Variants in DGKQ observed in about 807,000 individuals in gnomAD.
DGKQ encodes the protein diacylglycerol kinase theta.
DGKQ carries 97 observed loss-of-function variants against 104.2 expected under a neutral mutation model. That is an observed-to-expected ratio of 0.93 (90% confidence interval 0.79 to 1.10). DGKQ has a LOEUF of 1.10. Among genes scored for constraint, DGKQ ranks in the 50% least tolerant of loss-of-function variants. The pLI is 0.00. For synonymous variants in DGKQ, 736 were observed against 595.2 expected (o/e 1.24, Z -3.44); for missense variants, 1,465 against 1,352.1 (o/e 1.08, Z -1.31).
In DGKQ at chr4:960,634, T is replaced by TC. The variant is rs1560509613; in HGVS notation, c.2814dup (p.Ser939GlufsTer4). On this transcript the variant is annotated frameshift_variant, in exon 23 of 23. Transcript: ENST00000273814. LOFTEE classifies it high-confidence loss of function. ...CCCAGCCACCCCTACCTAGGATCGC[T>TC]CTCAGGGGCAGGCGCAGCATCCGCC... 6.2e-7 allele frequency: 1 copy of TC among 1,611,814 alleles called. No individual in the cohort carries two copies. Among genetic ancestry groups the TC allele is most frequent in the Non-Finnish European group, 8.5e-7 (1 of 1,179,714 alleles).
rs1380526612 is a variant in DGKQ, at chr4:962,443, G to A, written c.2206C>T (p.Pro736Ser). The change falls in exon 18 of 23, where the codon CCC becomes TCC. Residue 736 changes from proline (P) to serine (S), a missense_variant. Pro to Ser is a moderately conservative substitution (Grantham distance 74, BLOSUM62 -1). Coordinates refer to ENST00000273814, the MANE Select transcript of DGKQ (RefSeq NM_001347.4). The part of the protein sequence containing the change: ...SAENDTADAE[P>S]PKIVQMSNYC... ...GCCGGGCTGCCCTGTACCTTGGGGGGCTCTGCGTCTGCCGTGTCGTTCTCT... is the reference window on the plus strand; with the variant it reads ...GCCGGGCTGCCCTGTACCTTGGGGGACTCTGCGTCTGCCGTGTCGTTCTCT... 4.4e-6 allele frequency: 7 copies of A among 1,575,696 alleles called. No homozygotes were observed. In the Admixed American group the frequency reaches 7.1e-5, roughly 16 times the overall value.
At chr4:966,646 C>G (rs1054876320) in intron 11 of DGKQ, 102 bp downstream of exon 11, 1 of 1,507,726 alleles carries the variant, frequency 6.6e-7, no homozygotes, top group African/African-American at 1.4e-5. Context: ...AGGGCAGAGC[C>G]CGGCCTTGAT....
chr4:967,819 C>T lies in DGKQ; in HGVS notation c.812-17G>A, dbSNP rs1200751389. On this transcript the variant is annotated splice_polypyrimidine_tract_variant and intron_variant, in intron 6 of 22. Coordinates refer to ENST00000273814, the MANE Select transcript of DGKQ (RefSeq NM_001347.4). ...CCCCCTCGCCTGCGGGTCGGGCACACGGACCCCTCATTCAGTGCGCAGCCC... is the reference window on the plus strand; with the variant it reads ...CCCCCTCGCCTGCGGGTCGGGCACATGGACCCCTCATTCAGTGCGCAGCCC... The T allele has an allele frequency of 4.4e-6, 7 of 1,581,914 alleles. No homozygotes were observed. The highest frequency in any genetic ancestry group is 5.1e-6 in the Non-Finnish European group (6 of 1,165,650).
chr4:961,222 CG>C, intron 21 of DGKQ, 21 bp from the exon 22 acceptor site: 1 of 1,511,084 alleles, frequency 6.6e-7, no homozygotes, highest in Non-Finnish European at 8.9e-7. Flanking sequence ...AGAGGCCAGC[CG>C]GGCTCAGCGG....
chr4:966,449 C>T lies in DGKQ; in HGVS notation c.1428+17G>A, dbSNP rs377636401. The T allele has an allele frequency of 1.4e-5, 23 of 1,610,816 alleles. No homozygotes were observed. The African/African-American group carries it at 1.9e-4, about 13-fold the overall frequency. On this transcript the variant is annotated intron_variant, in intron 12 of 22. Transcript: ENST00000273814. Reference sequence around the variant, plus strand: ...GGGCTGCTGGTTCCCTGGGGGCCGGCGTCCACACCCACTCACCTGCCGGAT... The same window carrying T: ...GGGCTGCTGGTTCCCTGGGGGCCGGTGTCCACACCCACTCACCTGCCGGAT...
chr4:973,043 G>T (rs1010719508), intron 1 of DGKQ, among the ~76,000 whole-genome samples, 169 bp downstream of exon 1: 1 of 152,134 alleles, frequency 6.6e-6, no homozygotes, highest in Non-Finnish European at 1.5e-5. Context: ...GCCTGGAGCG[G>T]CCCCACGGCG....
At position 973,351 on chromosome 4, in the gene DGKQ, T is replaced by G; in HGVS notation, c.132A>C (p.Gly44=). The change falls in exon 1 of 23, where the codon GGA becomes GGC. Residue 44 remains glycine (G), a synonymous_variant. Transcript: ENST00000273814. The part of the protein sequence containing the change: ...RARPGPGPGP[G]PERAGVRAPG... Reference sequence around the variant, plus strand: ...GGGCTCTGACGCCCGCCCGCTCGGGTCCCGGCCCCGGCCCCGGCCCCGGGC... The same window carrying G: ...GGGCTCTGACGCCCGCCCGCTCGGGGCCCGGCCCCGGCCCCGGCCCCGGGC... 3.1e-6 allele frequency: 4 copies of G among 1,271,872 alleles called. No homozygotes were observed. Among genetic ancestry groups the G allele is most frequent in the Non-Finnish European group, 4.0e-6 (4 of 1,003,804 alleles). The allele number at this position is 1,271,872 out of a possible 1,614,324, so 78.8% of individuals were successfully genotyped here.
chr4:959,370 A>G lies in DGKQ; in HGVS notation c.*1250T>C, dbSNP rs11737363. The G allele has an allele frequency of 6.7e-6, 1 of 150,330 alleles. No individual in the cohort carries two copies. Among genetic ancestry groups the G allele is most frequent in the Non-Finnish European group, 1.5e-5 (1 of 67,658 alleles). 9.3% of individuals were successfully genotyped at this position (150,330 alleles called of 1,614,324 possible). ...CCCACAAGGGAAGGGGGAGATCCGCACCGTGGGACCGTTTCTCGTGGGGGA... is the reference window on the plus strand; with the variant it reads ...CCCACAAGGGAAGGGGGAGATCCGCGCCGTGGGACCGTTTCTCGTGGGGGA... On this transcript the variant is annotated 3_prime_UTR_variant, in exon 23 of 23. Coordinates refer to ENST00000273814, the MANE Select transcript of DGKQ (RefSeq NM_001347.4).
rs775074273 is a variant in DGKQ at position 961,031 on chromosome 4, C to T, written c.2727+18G>A. The T allele has an allele frequency of 3.7e-5, 60 of 1,611,310 alleles. No individual in the cohort carries two copies. Among genetic ancestry groups the T allele is most frequent in the Non-Finnish European group, 4.9e-5 (58 of 1,179,328 alleles). ...GCCCGGCCCACCTCCCCTGGCTCTCCAGCCTCACCCCACATACCTTAGGGC... is the reference window on the plus strand; with the variant it reads ...GCCCGGCCCACCTCCCCTGGCTCTCTAGCCTCACCCCACATACCTTAGGGC... On this transcript the variant is annotated intron_variant, in intron 22 of 22. Transcript: ENST00000273814.
rs1473659467 is a variant in DGKQ at position 973,542 on chromosome 4, T to A, written c.-60A>T. The A allele has an allele frequency of 4.3e-5, 42 of 980,070 alleles. No homozygotes were observed. The highest frequency in any genetic ancestry group is 5.1e-5 in the Non-Finnish European group (42 of 826,828). The allele number at this position is 980,070 out of a possible 1,614,324, so 60.7% of individuals were successfully genotyped here. On this transcript the variant is annotated 5_prime_UTR_variant, in exon 1 of 23. Coordinates refer to ENST00000273814, the MANE Select transcript of DGKQ (RefSeq NM_001347.4). Reference sequence around the variant, plus strand: ...GCGCCGGGGGTACAGGAGCCGCCGCTCCACGGCCCGGTACACTGCTTCCGA... The same window carrying A: ...GCGCCGGGGGTACAGGAGCCGCCGCACCACGGCCCGGTACACTGCTTCCGA...
intron 22 of DGKQ, 152 bp from the exon 23 acceptor site, chr4:960,873 C>A: frequency 6.8e-7 from 1 of 1,475,652 alleles, no homozygotes; most frequent in Non-Finnish European, 9.0e-7. Context: ...CTCCCTGTGC[C>A]ACCTGTGGCC....
Position 967,937 on chromosome 4 carries a change from GA to G in DGKQ, c.753del (p.Leu252CysfsTer49). The G allele has an allele frequency of 6.8e-7, 1 of 1,477,014 alleles. No homozygotes were observed. Among genetic ancestry groups the G allele is most frequent in the Admixed American group, 2.5e-5 (1 of 40,184 alleles). The allele number at this position is 1,477,014 out of a possible 1,614,324, so 91.5% of individuals were successfully genotyped here. On this transcript the variant is annotated frameshift_variant, in exon 6 of 23. Coordinates refer to ENST00000273814, the MANE Select transcript of DGKQ (RefSeq NM_001347.4). LOFTEE classifies it high-confidence loss of function. Reference sequence around the variant, plus strand: ...TGCGTCTTGCTGAAGCCGCCGGGCAGAAGGCGCACGCACGCGGGAGGCAGGA... The same window carrying G: ...TGCGTCTTGCTGAAGCCGCCGGGCAGAGGCGCACGCACGCGGGAGGCAGGA... ...SLVLPPACVR[L>X]LPGGFSKTQS...
chr4:967,786 G>C lies in DGKQ; in HGVS notation c.828C>G (p.Gly276=), dbSNP rs1441605878. The C allele has an allele frequency of 6.2e-7, 1 of 1,603,620 alleles. No individual in the cohort carries two copies. The highest frequency in any genetic ancestry group is 1.7e-5 in the Admixed American group (1 of 58,722). ...GACCCACGGCAGCGCTCCCGTCGGCGCCGTCGCCCCCCTCGCCTGCGGGTC... is the reference window on the plus strand; with the variant it reads ...GACCCACGGCAGCGCTCCCGTCGGCCCCGTCGCCCCCCTCGCCTGCGGGTC... The part of the protein sequence containing the change: ...EAAEPGEGGD[G]ADGSAAVGPG... The change falls in exon 7 of 23, where the codon GGC becomes GGG. Residue 276 remains glycine (G), a synonymous_variant. Coordinates refer to ENST00000273814, the MANE Select transcript of DGKQ (RefSeq NM_001347.4).
chr4:965,131 C>A (rs752131203), intron 15 of DGKQ, 45 bp downstream of exon 15: 1 of 1,550,670 alleles, frequency 6.4e-7, no homozygotes, highest in Admixed American at 1.7e-5. Flanking sequence ...CTCCCTCTGG[C>A]CACCCCCTGG....
intron 2 of DGKQ, among the ~76,000 whole-genome samples, chr4:970,134 G>A (rs1008919736): frequency 5.3e-5 from 8 of 152,218 alleles, no homozygotes; most frequent in Non-Finnish European, 8.8e-5. Context: ...CCGGGGAACT[G>A]CATCATTAGG....
rs764436507 is a variant in DGKQ, at chr4:961,145, G to T, written c.2631C>A (p.Phe877Leu). Reference protein sequence around the residue: ...SGIRIAQGSYFRVTLLKATPV... With the variant: ...SGIRIAQGSYLRVTLLKATPV... ...GGGTGGCCTTGAGGAGCGTGACTCG[G>T]AAGTAGGAACCCTGGGCAATCCGGA... The change falls in exon 22 of 23, where the codon TTC becomes TTA. Residue 877 changes from phenylalanine (F) to leucine (L), a missense_variant. By Grantham distance (22) the Phe-to-Leu change is conservative. Transcript: ENST00000273814. 7 of 1,606,232 alleles carry T rather than the reference G, an allele frequency of 4.4e-6. No homozygotes were observed. Among genetic ancestry groups the T allele is most frequent in the Non-Finnish European group, 5.9e-6 (7 of 1,177,126 alleles).
At chr4:966,556 C>T in intron 11 of DGKQ, 29 bp from the exon 12 acceptor site, 1 of 1,603,486 alleles carries the variant, frequency 6.2e-7, no homozygotes, top group Non-Finnish European at 8.5e-7. Context: ...AGGCCGTCAG[C>T]ACCCGGCTCC....
At chr4:964,449 C>A (rs919513321) in intron 15 of DGKQ, among the ~76,000 whole-genome samples, 2 of 152,142 alleles carry the variant, frequency 1.3e-5, no homozygotes, top group Non-Finnish European at 2.9e-5. Context: ...CGGTGTGCAG[C>A]GTGGAGTCCC....
chr4:962,617 G>A lies in DGKQ; in HGVS notation c.2036-4C>T, dbSNP rs376183786. 3.9e-5 allele frequency: 62 copies of A among 1,606,480 alleles called. No individual in the cohort carries two copies. The highest frequency in any genetic ancestry group is 6.7e-5 in the African/African-American group (5 of 75,054). ...AGGACTCGACCAAGGTCATTCCCTG[G>A]GACACAAGCAGACACAGAGCATCTG... On this transcript the variant is annotated splice_polypyrimidine_tract_variant and splice_region_variant and intron_variant, in intron 17 of 22. Coordinates refer to ENST00000273814, the MANE Select transcript of DGKQ (RefSeq NM_001347.4).
Sources: gnomAD v4.1 joint callset for allele counts (sites outside exome capture counted in the v4.1 genomes callset) on GRCh38, gnomAD v4.1.1 for gene constraint, MANE v1.5 for transcripts, NCBI Gene and HGNC (gene_info 2026-07-23, HGNC 2026-07-21) for gene names.